CSMD1: variants seen among roughly 807,000 people sequenced by gnomAD.
The protein encoded by CSMD1 is CUB and Sushi multiple domains 1, also known as CUB and sushi domain-containing protein 1.
CSMD1 carries 213 observed loss-of-function variants against 417.5 expected under a neutral mutation model. The ratio of observed to expected loss-of-function variants is 0.51; its 90% CI spans 0.46 to 0.57. The LOEUF (loss-of-function observed/expected upper bound fraction) is 0.57. Ranked by LOEUF, CSMD1 falls within the 20% of genes least tolerant of loss-of-function variation. The probability of loss-of-function intolerance (pLI) is 0.00; values close to 1 mark genes in which losing one functional copy is unlikely to be tolerated. For missense variants in CSMD1, 6,923 were observed against 4,529.7 expected, an observed-to-expected ratio of 1.53 and a Z score of -15.17; for synonymous variants, 2,862 against 1,736.8, an observed-to-expected ratio of 1.65 and a Z score of -16.11.
intron 5 of CSMD1, among the ~76,000 whole-genome samples, chr8:3,986,470 C>T (rs556396390): frequency 2.7e-4 from 41 of 152,110 alleles, no homozygotes; most frequent in African/African-American, 8.7e-4. Flanking sequence ...TGTGCAAAGC[C>T]GAGCAACTGA....
chr8:4,814,042 T>G (rs1367052393), intron 1 of CSMD1, among the ~76,000 whole-genome samples: 1 of 152,238 alleles, frequency 6.6e-6, no homozygotes, highest in Non-Finnish European at 1.5e-5. Flanking sequence ...AAGGAGAAAG[T>G]AATGTACAGT....
At chr8:4,149,345 C>T (rs1318695313) in intron 3 of CSMD1, among the ~76,000 whole-genome samples, 1 of 152,120 alleles carries the variant, frequency 6.6e-6, no homozygotes, top group Non-Finnish European at 1.5e-5. Flanking sequence ...CTCCAGTTTG[C>T]ATTTCTAAAA....
chr8:4,390,562 G>A (rs7831529), intron 3 of CSMD1, among the ~76,000 whole-genome samples: 118,848 of 150,236 alleles, frequency 0.79, 47,515 homozygotes, highest in African/African-American at 0.9. Context: ...TGCCCAGGCT[G>A]GAGTGCAGTG....
chr8:4,794,083 A>C (rs1797843830), intron 1 of CSMD1, among the ~76,000 whole-genome samples: 1 of 152,190 alleles, frequency 6.6e-6, no homozygotes, highest in Non-Finnish European at 1.5e-5. Flanking sequence ...ATTTTTCTCA[A>C]AACTTCTGGA....
intron 2 of CSMD1, among the ~76,000 whole-genome samples, chr8:4,578,194 T>G (rs886281775): frequency 6.6e-6 from 1 of 152,104 alleles, no homozygotes; most frequent in Non-Finnish European, 1.5e-5. Flanking sequence ...GAAGTCTCGC[T>G]CTGTTGCCCA....
rs34791623 is a variant in CSMD1, at chr8:4,510,390, T to TAAAAAAAAAAAAAAAAAAAAAAA, written c.303-90348_303-90326dup. Among the ~76,000 whole-genome samples, 28 of 54,644 alleles carry TAAAAAAAAAAAAAAAAAAAAAAA rather than the reference T, an allele frequency of 5.1e-4. 6 individuals carry two copies. Among genetic ancestry groups the TAAAAAAAAAAAAAAAAAAAAAAA allele is most frequent in the African/African-American group, 6.9e-4 (9 of 12,966 alleles). The allele number at this position is 54,644 out of a possible 152,430, so 35.8% of individuals were successfully genotyped here. On this transcript the variant is annotated intron_variant, in intron 2 of 69. Transcript: ENST00000635120. ...GTAGACAATTAAAAAGCATAATGCC[T>TAAAAAAAAAAAAAAAAAAAAAAA]AAAAAAAAAAAAAAAAAAAAAAAAA...
intron 38 of CSMD1, 65 bp downstream of exon 38, chr8:3,162,094 C>T: frequency 2.8e-6 from 3 of 1,062,494 alleles, no homozygotes; most frequent in Non-Finnish European, 4.3e-6. Flanking sequence ...AGGGCTTTGG[C>T]TTTAAGAGAG....
At chr8:3,458,029 C>T (rs1816267738) in intron 12 of CSMD1, among the ~76,000 whole-genome samples, 1 of 152,224 alleles carries the variant, frequency 6.6e-6, no homozygotes, top group South Asian at 2.1e-4. Flanking sequence ...ATTATCAGAA[C>T]TTTCATTCTT....
At chr8:4,220,908 G>A (rs1210748876) in intron 3 of CSMD1, among the ~76,000 whole-genome samples, 1 of 152,166 alleles carries the variant, frequency 6.6e-6, no homozygotes, top group Admixed American at 6.5e-5. Flanking sequence ...GAATAAGTAG[G>A]CTTCCTGATA....
chr8:3,121,633 A>G (rs1354019261), intron 41 of CSMD1, among the ~76,000 whole-genome samples: 1 of 152,088 alleles, frequency 6.6e-6, no homozygotes, highest in Admixed American at 6.6e-5. Context: ...TCTTTTACCT[A>G]CTATCTAAAG....
intron 3 of CSMD1, among the ~76,000 whole-genome samples, chr8:4,341,594 C>G (rs998044452): frequency 6.6e-6 from 1 of 152,046 alleles, no homozygotes; most frequent in Non-Finnish European, 1.5e-5. Context: ...CTGTGGTTCC[C>G]TGTTTGTCCA....
At chr8:4,981,284 G>A (rs1014437773) in intron 1 of CSMD1, among the ~76,000 whole-genome samples, 10 of 152,232 alleles carry the variant, frequency 6.6e-5, no homozygotes, top group African/African-American at 2.4e-4. Context: ...CAACTTTTCA[G>A]TATGAGAGAG....
At chr8:4,652,178 A>G (rs1379517910) in intron 1 of CSMD1, among the ~76,000 whole-genome samples, 2 of 152,210 alleles carry the variant, frequency 1.3e-5, no homozygotes, top group South Asian at 2.1e-4. Flanking sequence ...TAAAGCATTG[A>G]GGGATTGCAT....
At chr8:3,414,016 G>A (rs1044156806) in intron 12 of CSMD1, among the ~76,000 whole-genome samples, 1 of 151,542 alleles carries the variant, frequency 6.6e-6, no homozygotes, top group African/African-American at 2.4e-5. Context: ...GTGCACGCCT[G>A]GAATCCCAAC....
At chr8:4,260,545 AC>A (rs1429265629) in intron 3 of CSMD1, among the ~76,000 whole-genome samples, 7 of 152,206 alleles carry the variant, frequency 4.6e-5, no homozygotes, top group Admixed American at 3.9e-4. Context: ...TAGCCAGAAT[AC>A]CTGGATTTTA....
chr8:3,213,805 C>A (rs1797741862), intron 30 of CSMD1, among the ~76,000 whole-genome samples: 1 of 150,068 alleles, frequency 6.7e-6, no homozygotes, highest in Non-Finnish European at 1.5e-5. Flanking sequence ...GAGACTCCAT[C>A]TCATATATAT....
At chr8:4,270,466 G>T (rs1030432629) in intron 3 of CSMD1, among the ~76,000 whole-genome samples, 1 of 152,136 alleles carries the variant, frequency 6.6e-6, no homozygotes, top group African/African-American at 2.4e-5. Flanking sequence ...AGAAGCCGCA[G>T]AGCTTTTCTT....
intron 8 of CSMD1, among the ~76,000 whole-genome samples, chr8:3,614,815 C>G (rs1205009211): frequency 6.6e-6 from 1 of 152,170 alleles, no homozygotes; most frequent in South Asian, 2.1e-4. Flanking sequence ...ACTCTCCATT[C>G]TGGAGACGCT....
At chr8:4,275,983 G>C (rs1341694805) in intron 3 of CSMD1, among the ~76,000 whole-genome samples, 3 of 152,186 alleles carry the variant, frequency 2.0e-5, no homozygotes, top group African/African-American at 7.2e-5. Flanking sequence ...AGATGCTGGA[G>C]AGACTGTGGA....
Sources: allele counts gnomAD v4.1 joint callset (sites outside exome capture counted in the v4.1 genomes callset), GRCh38; gene constraint gnomAD v4.1.1; transcripts MANE v1.5; gene names NCBI Gene and HGNC (gene_info 2026-07-23, HGNC 2026-07-21).